Variants in CCDC102B observed in about 807,000 individuals in gnomAD.
CCDC102B encodes the protein coiled-coil domain-containing protein 102B.
Under a neutral mutation model 57.4 loss-of-function variants are expected in CCDC102B, and 75 were observed. The ratio of observed to expected loss-of-function variants is 1.31; its 90% CI spans 1.08 to 1.58. The LOEUF (loss-of-function observed/expected upper bound fraction) is 1.58. Ranked by LOEUF, CCDC102B falls within the 40% of genes most tolerant of loss-of-function variation. The probability of loss-of-function intolerance (pLI) is 0.00; values close to 1 mark genes in which losing one functional copy is unlikely to be tolerated. For synonymous variants in CCDC102B, 206 were observed against 201.9 expected, an observed-to-expected ratio of 1.02 and a Z score of -0.17; for missense variants, 636 against 582.6, an observed-to-expected ratio of 1.09 and a Z score of -0.94.
intron 3 of CCDC102B, among the ~76,000 whole-genome samples, chr18:68,845,354 T>C (rs1001851804): frequency 1.3e-5 from 2 of 151,896 alleles, no homozygotes; most frequent in African/African-American, 4.8e-5. Flanking sequence ...TAATTATGAA[T>C]ACAGTAAGTA....
In CCDC102B at chr18:69,010,959, A is replaced by G; in HGVS notation, c.1289A>G (p.Tyr430Cys). The change falls in exon 7 of 8, where the codon TAC becomes TGC. Residue 430 changes from tyrosine (Y) to cysteine (C), a missense_variant. Transcript: ENST00000360242. The stretch of plus-strand genomic sequence containing the variant: ...GAATTACTGAACCTTCAACATGCCT[A>G]CTATAAACTAAACAGACAATACCAG... Reference protein sequence around the residue: ...NQELLNLQHAYYKLNRQYQAN... With the variant: ...NQELLNLQHACYKLNRQYQAN... 5 of 1,606,368 alleles carry G rather than the reference A, an allele frequency of 3.1e-6. No homozygotes were observed. The highest frequency in any genetic ancestry group is 4.3e-6 in the Non-Finnish European group (5 of 1,175,516).
chr18:68,752,187 G>A (rs1403821514), intron 2 of CCDC102B, among the ~76,000 whole-genome samples: 7 of 152,094 alleles, frequency 4.6e-5, no homozygotes, highest in African/African-American at 9.7e-5. Context: ...TGGAACCCGG[G>A]AAGCAGAGGT....
At chr18:68,810,693 T>TTTTTTTTTTTTTTTTTTTTTTTTG (rs1568263271) in intron 1 of CCDC102B, among the ~76,000 whole-genome samples, 1 of 139,294 alleles carries the variant, frequency 7.2e-6, no homozygotes, top group Admixed American at 7.1e-5. Context: ...TTTTTTTTTT[T>TTTTTTTTTTTTTTTTTTTTTTTTG]TTTTTTTTTT....
chr18:68,909,249 G>T (rs1341122069), intron 6 of CCDC102B, among the ~76,000 whole-genome samples: 1 of 152,186 alleles, frequency 6.6e-6, no homozygotes, highest in East Asian at 1.9e-4. Context: ...GCAATTAGTT[G>T]TAGGTAGGAA....
chr18:68,791,526 A>G (rs2035457792), intron 2 of CCDC102B, among the ~76,000 whole-genome samples: 1 of 8,600 alleles, frequency 1.2e-4, no homozygotes. Context: ...GTTTTGTAAC[A>G]ATGTTTTTTT....
intron 4 of CCDC102B, among the ~76,000 whole-genome samples, chr18:68,865,901 A>G (rs936725986): frequency 1.3e-5 from 2 of 152,198 alleles, no homozygotes; most frequent in African/African-American, 2.4e-5. Flanking sequence ...TGTATTTAGA[A>G]GGATATTTAA....
rs1017672203 is a variant in CCDC102B at position 68,718,430 on chromosome 18, A to G, written c.-67+1836A>G. Reference sequence around the variant, plus strand: ...GCCAGAAACTAAAGAAAGGTACTACATGATTTTATTTACGTAAGCTCAAAA... The same window carrying G: ...GCCAGAAACTAAAGAAAGGTACTACGTGATTTTATTTACGTAAGCTCAAAA... On this transcript the variant is annotated intron_variant, in intron 2 of 3. Coordinates refer to the CCDC102B transcript ENST00000578970. Among the ~76,000 whole-genome samples, 38 of 152,214 alleles carry G rather than the reference A, an allele frequency of 2.5e-4. 1 individual carries two copies. The highest frequency in any genetic ancestry group is 8.9e-4 in the African/African-American group (37 of 41,464).
chr18:68,996,203 G>A (rs931811125), intron 6 of CCDC102B, among the ~76,000 whole-genome samples: 1 of 152,156 alleles, frequency 6.6e-6, no homozygotes, highest in Non-Finnish European at 1.5e-5. Context: ...TAAAAGACCA[G>A]CTAGGATAAA....
At chr18:68,820,245 G>A (rs1599512245) in intron 1 of CCDC102B, among the ~76,000 whole-genome samples, 2 of 152,086 alleles carry the variant, frequency 1.3e-5, no homozygotes, top group Non-Finnish European at 1.5e-5. Context: ...TTTTTAGCTG[G>A]TTAGTTTTTC....
chr18:68,927,806 G>A (rs1188202400), intron 6 of CCDC102B, among the ~76,000 whole-genome samples: 1 of 151,880 alleles, frequency 6.6e-6, no homozygotes, highest in Non-Finnish European at 1.5e-5. Flanking sequence ...AGAAAGGAGG[G>A]AGAGCTGCTT....
intron 6 of CCDC102B, among the ~76,000 whole-genome samples, chr18:69,002,648 T>A (rs2051235355): frequency 6.6e-6 from 1 of 152,222 alleles, no homozygotes; most frequent in South Asian, 2.1e-4. Flanking sequence ...GATGAAAATA[T>A]CGTAACTGAA....
chr18:68,955,206 G>A (rs1196787221), intron 6 of CCDC102B, among the ~76,000 whole-genome samples: 1 of 151,976 alleles, frequency 6.6e-6, no homozygotes, highest in Non-Finnish European at 1.5e-5. Flanking sequence ...TAGTCATGAG[G>A]GCTATTCCGA....
At chr18:68,952,471 G>A (rs887047027) in intron 6 of CCDC102B, among the ~76,000 whole-genome samples, 12 of 152,092 alleles carry the variant, frequency 7.9e-5, no homozygotes, top group African/African-American at 2.7e-4. Context: ...TTATAGAGTA[G>A]ATAACAGTCT....
chr18:69,027,123 A>G (rs572308774), intron 7 of CCDC102B, among the ~76,000 whole-genome samples: 345 of 152,328 alleles, frequency 2.3e-3, no homozygotes, highest in Non-Finnish European at 4.0e-3. Context: ...AGATTTAAAA[A>G]TGGTCGTTTT....
chr18:68,949,462 T>C (rs2049633200), intron 6 of CCDC102B, among the ~76,000 whole-genome samples: 1 of 152,102 alleles, frequency 6.6e-6, no homozygotes, highest in Non-Finnish European at 1.5e-5. Context: ...CACAAACTAA[T>C]ACTATGAGGT....
At chr18:69,005,505 G>A (rs935721328) in intron 6 of CCDC102B, among the ~76,000 whole-genome samples, 28 of 151,770 alleles carry the variant, frequency 1.8e-4, no homozygotes, top group Admixed American at 2.0e-4. Context: ...ATGATGCTTC[G>A]TTTTTCCTTC....
intron 6 of CCDC102B, among the ~76,000 whole-genome samples, chr18:68,948,205 TAAC>T (rs1212604024): frequency 6.6e-6 from 1 of 152,138 alleles, no homozygotes; most frequent in East Asian, 1.9e-4. Flanking sequence ...TTTTCTATGA[TAAC>T]AATTATGAAA....
chr18:68,793,805 A>G (rs1253809103), upstream of CCDC102B, among the ~76,000 whole-genome samples: 1 of 152,182 alleles, frequency 6.6e-6, no homozygotes, highest in Non-Finnish European at 1.5e-5. Flanking sequence ...TTTTTGAGAA[A>G]ACAGACAGGT....
chr18:68,770,618 T>C (rs1385220468), intron 2 of CCDC102B, among the ~76,000 whole-genome samples: 1 of 152,224 alleles, frequency 6.6e-6, no homozygotes. Context: ...CATATTCTGC[T>C]CAGTAAAACC....
Sources: gnomAD v4.1 joint callset for allele counts (sites outside exome capture counted in the v4.1 genomes callset) on GRCh38, gnomAD v4.1.1 for gene constraint, MANE v1.5 for transcripts, NCBI Gene and HGNC (gene_info 2026-07-23, HGNC 2026-07-21) for gene names.